The following BLK variants were observed in gnomAD, a reference collection of about 807,000 sequenced individuals.
BLK encodes the protein BLK proto-oncogene, Src family tyrosine kinase.
Under a neutral mutation model 61.8 loss-of-function variants are expected in BLK, and 64 were observed. The observed-to-expected ratio is 1.03, with a 90% confidence interval of 0.85 to 1.27. The LOEUF (loss-of-function observed/expected upper bound fraction) is 1.27. BLK is among the 50% of genes most tolerant of loss of function. BLK has a pLI of 0.00. For missense variants in BLK, 853 were observed against 660.5 expected, an observed-to-expected ratio of 1.29 and a Z score of -3.19; for synonymous variants, 351 against 272.0, an observed-to-expected ratio of 1.29 and a Z score of -2.86.
At chr8:11,561,071 A>G in intron 10 of BLK, 1 of 681,810 alleles carries the variant, frequency 1.5e-6, no homozygotes, top group Admixed American at 2.0e-5. Flanking sequence ...GAGGAGGGGG[A>G]GGGGCACAGG....
At chr8:11,503,873 G>A (rs565990851) in intron 1 of BLK, among the ~76,000 whole-genome samples, 48 of 152,286 alleles carry the variant, frequency 3.2e-4, no homozygotes, top group African/African-American at 1.1e-3. Flanking sequence ...CCAGGTTCCG[G>A]CACTCCACGT....
intron 1 of BLK, among the ~76,000 whole-genome samples, chr8:11,528,837 A>G (rs984432492): frequency 6.6e-6 from 1 of 152,190 alleles, no homozygotes; most frequent in African/African-American, 2.4e-5. Flanking sequence ...ATCCTCAGCA[A>G]ACTAACGCAG....
At chr8:11,528,781 C>T (rs1337521728) in intron 1 of BLK, among the ~76,000 whole-genome samples, 7 of 152,174 alleles carry the variant, frequency 4.6e-5, no homozygotes, top group East Asian at 1.9e-4. Context: ...TAAAAAGGAA[C>T]GAGATTATGT....
At chr8:11,535,011 A>G (rs1448781213) in intron 1 of BLK, among the ~76,000 whole-genome samples, 3 of 151,992 alleles carry the variant, frequency 2.0e-5, no homozygotes, top group Non-Finnish European at 4.4e-5. Context: ...CCACCTCTAC[A>G]TAAAATTGTT....
intron 11 of BLK, 71 bp from the exon 12 acceptor site, chr8:11,562,908 G>T: frequency 1.2e-6 from 2 of 1,604,382 alleles, no homozygotes; most frequent in Non-Finnish European, 1.7e-6. Context: ...CAGGAGCAGG[G>T]GTAGGGGTGA....
chr8:11,549,533 C>T (rs999711794), intron 5 of BLK, among the ~76,000 whole-genome samples: 3 of 152,188 alleles, frequency 2.0e-5, no homozygotes, highest in African/African-American at 7.2e-5. Context: ...TACTCCCAAT[C>T]TTCTAATCCC....
intron 8 of BLK, 147 bp downstream of exon 8, chr8:11,555,631 C>T: frequency 2.3e-6 from 3 of 1,305,120 alleles, no homozygotes; most frequent in Non-Finnish European, 3.2e-6. Context: ...ACTCATTTTA[C>T]AGAGGAGGAA....
At chr8:11,555,089 CT>C (rs1801134895) in intron 7 of BLK, among the ~76,000 whole-genome samples, 200 bp downstream of exon 7, 1 of 152,172 alleles carries the variant, frequency 6.6e-6, no homozygotes, top group Admixed American at 6.5e-5. Context: ...CAGGGAACCC[CT>C]TAGAGAGTAG....
intron 1 of BLK, among the ~76,000 whole-genome samples, chr8:11,540,482 A>C (rs192442751): frequency 1.5e-3 from 222 of 152,294 alleles, no homozygotes; most frequent in Middle Eastern, 6.8e-3. Context: ...TAGTCATGTA[A>C]AGCTTCAGAT....
At chr8:11,540,906 A>G (rs892841206) in intron 1 of BLK, among the ~76,000 whole-genome samples, 4 of 151,810 alleles carry the variant, frequency 2.6e-5, no homozygotes, top group Non-Finnish European at 4.4e-5. Context: ...AAGCCAGCGC[A>G]CCTTAATGCT....
chr8:11,525,226 A>C (rs1241283166), intron 1 of BLK, among the ~76,000 whole-genome samples: 1 of 152,206 alleles, frequency 6.6e-6, no homozygotes, highest in Non-Finnish European at 1.5e-5. Context: ...GTCTGTTTTT[A>C]ATATCACATT....
intron 1 of BLK, 77 bp from the exon 2 acceptor site, chr8:11,543,147 G>T: frequency 6.2e-7 from 1 of 1,607,758 alleles, no homozygotes; most frequent in South Asian, 1.1e-5. Flanking sequence ...TCCCGGAAGG[G>T]GCCAGGGATC....
intron 1 of BLK, among the ~76,000 whole-genome samples, chr8:11,522,187 T>C (rs1438661813): frequency 1.3e-5 from 2 of 152,040 alleles, no homozygotes; most frequent in African/African-American, 2.4e-5. Flanking sequence ...GGAAATGAGC[T>C]ATAAAAAAAA....
chr8:11,502,221 A>G (rs1798589885), intron 1 of BLK, among the ~76,000 whole-genome samples: 1 of 152,242 alleles, frequency 6.6e-6, no homozygotes, highest in Non-Finnish European at 1.5e-5. Flanking sequence ...TTGTTTTAAT[A>G]GAATCCATTT....
At chr8:11,559,251 C>T (rs895183815) in intron 10 of BLK, among the ~76,000 whole-genome samples, 1 of 152,080 alleles carries the variant, frequency 6.6e-6, no homozygotes, top group Non-Finnish European at 1.5e-5. Context: ...AGCCTCTAAC[C>T]ACATGCTGAC....
intron 1 of BLK, among the ~76,000 whole-genome samples, chr8:11,527,091 A>G (rs903285365): frequency 6.6e-6 from 1 of 152,002 alleles, no homozygotes; most frequent in Admixed American, 6.6e-5. Context: ...CTGTACGTGC[A>G]TGCTCGCAAG....
intron 1 of BLK, among the ~76,000 whole-genome samples, chr8:11,525,969 C>A (rs751242902): frequency 6.6e-6 from 1 of 152,128 alleles, no homozygotes; most frequent in Non-Finnish European, 1.5e-5. Flanking sequence ...GACAGGGTTT[C>A]ACCATGTTGC....
chr8:11,543,345 CT>C lies in BLK; in HGVS notation c.122del (p.Leu41ArgfsTer32). 1 of 1,613,002 alleles carries C rather than the reference CT, an allele frequency of 6.2e-7. No homozygotes were observed. The part of the protein sequence containing the change: ...QDKDAPPLPP[L>X]VVFNHLTPPP... ...CAAGGACGCCCCGCCACTGCCGCCC[CT>C]GGTGAGTGATTGCCCACCCCCACCA... On this transcript the variant is annotated frameshift_variant and splice_region_variant, in exon 2 of 13. Transcript: ENST00000259089. LOFTEE classifies it high-confidence loss of function.
At chr8:11,514,062 G>A (rs1799128374) in intron 1 of BLK, among the ~76,000 whole-genome samples, 1 of 152,292 alleles carries the variant, frequency 6.6e-6, no homozygotes, top group South Asian at 2.1e-4. Context: ...ATCTGCCAAG[G>A]GGATCGGACC....
Sources: allele counts gnomAD v4.1 joint callset (sites outside exome capture counted in the v4.1 genomes callset), GRCh38; gene constraint gnomAD v4.1.1; transcripts MANE v1.5; gene names NCBI Gene and HGNC (gene_info 2026-07-23, HGNC 2026-07-21).